The following ANKRD17 variants were observed in gnomAD, a reference collection of about 807,000 sequenced individuals.
The protein encoded by ANKRD17 is ankyrin repeat domain 17.
A neutral mutation model predicts 229.7 loss-of-function variants in ANKRD17; 19 were observed. That is an observed-to-expected ratio of 0.08 (90% CI 0.06 to 0.12). The LOEUF is 0.12. Among genes scored for constraint, ANKRD17 ranks in the 10% least tolerant of loss-of-function variants. ANKRD17 has a pLI of 1.00. For synonymous variants in ANKRD17, 1,112 were observed against 1,146.1 expected (o/e 0.97, Z 0.60); for missense variants, 2,176 against 3,176.8 (o/e 0.68, Z 7.57).
chr4:73,102,432 T>A lies in ANKRD17; in HGVS notation c.4517A>T (p.Asn1506Ile). Reference sequence around the variant, plus strand: ...AGCTTGGAGTTCAAAGTTCTCTTTATTTTTGGCTTCAATTTCTTCTAGTTT... The same window carrying A: ...AGCTTGGAGTTCAAAGTTCTCTTTAATTTTGGCTTCAATTTCTTCTAGTTT... ...RRKLEEIEAKNKENFELQAAQ... is the reference protein window; with the variant it reads ...RRKLEEIEAKIKENFELQAAQ... The change falls in exon 25 of 34, where the codon AAT (asparagine) becomes ATT (isoleucine). Residue 1506 changes from asparagine (N) to isoleucine (I), a missense_variant. Physicochemically the swap from Asn to Ile is moderately radical, Grantham distance 149. Transcript: ENST00000358602. 1 of 1,606,328 alleles carries A rather than the reference T, an allele frequency of 6.2e-7. No homozygotes were observed. The highest frequency in any genetic ancestry group is 8.5e-7 in the Non-Finnish European group (1 of 1,178,430).
At chr4:73,167,961 G>A (rs1351168142) in intron 2 of ANKRD17, among the ~76,000 whole-genome samples, 1 of 152,010 alleles carries the variant, frequency 6.6e-6, no homozygotes, top group African/African-American at 2.4e-5. Flanking sequence ...CACCATCCTG[G>A]CTAACGCAGC....
chr4:73,142,416 A>T, intron 12 of ANKRD17, 31 bp from the exon 13 acceptor site: 7 of 1,583,236 alleles, frequency 4.4e-6, no homozygotes, highest in Non-Finnish European at 6.0e-6. Context: ...GGGGAAAAAA[A>T]GTGAAGAAAA....
chr4:73,234,037 A>C (rs11736349), intron 1 of ANKRD17, among the ~76,000 whole-genome samples: 53,473 of 151,850 alleles, frequency 0.35, 10,909 homozygotes, highest in Admixed American at 0.49. Flanking sequence ...TATTTCTTTC[A>C]TTATTCTATC....
At chr4:73,149,955 C>T (rs901710034) in intron 7 of ANKRD17, among the ~76,000 whole-genome samples, 4 of 151,960 alleles carry the variant, frequency 2.6e-5, no homozygotes, top group African/African-American at 9.7e-5. Flanking sequence ...ACTTCAAGGC[C>T]CTCTTTTCCC....
chr4:73,247,717 T>C (rs1461700893), intron 1 of ANKRD17, among the ~76,000 whole-genome samples: 1 of 151,988 alleles, frequency 6.6e-6, no homozygotes, highest in Non-Finnish European at 1.5e-5. Context: ...TTTAAATATA[T>C]AAAAATCATA....
rs1191421923 is a variant in ANKRD17, at chr4:73,258,627, T to TGCAGCCGTC, written c.33_41dup (p.Thr12_Ala14dup). 1 of 1,487,740 alleles carries TGCAGCCGTC rather than the reference T, an allele frequency of 6.7e-7. No individual in the cohort carries two copies. The highest frequency in any genetic ancestry group is 2.8e-5 in the East Asian group (1 of 36,020). The allele number at this position is 1,487,740 out of a possible 1,614,324, so 92.2% of individuals were successfully genotyped here. On this transcript the variant is annotated inframe_insertion, in exon 1 of 34. Transcript: ENST00000358602. ...CCGCCGGGGGGCTCCCTTCTCCTTC[T>TGCAGCCGTC]GCAGCCGTCGCCGCCGCCACCGGAA...
intron 29 of ANKRD17, among the ~76,000 whole-genome samples, chr4:73,087,465 C>G (rs899024529): frequency 6.6e-6 from 1 of 152,136 alleles, no homozygotes; most frequent in Admixed American, 6.5e-5. Context: ...TGATCTGAAT[C>G]TAATCATGGA....
intron 1 of ANKRD17, among the ~76,000 whole-genome samples, chr4:73,232,291 T>C (rs906470741): frequency 1.1e-4 from 17 of 152,186 alleles, no homozygotes; most frequent in African/African-American, 1.7e-4. Context: ...GTAGCTCTCC[T>C]TGATCACATG....
chr4:73,174,472 A>G (rs1734471200), intron 2 of ANKRD17, among the ~76,000 whole-genome samples: 1 of 152,174 alleles, frequency 6.6e-6, no homozygotes, highest in Admixed American at 6.5e-5. Flanking sequence ...CCAACAGCCA[A>G]CATTACACTA....
At chr4:73,143,804 A>T (rs140712519) in intron 11 of ANKRD17, among the ~76,000 whole-genome samples, 4 of 152,242 alleles carry the variant, frequency 2.6e-5, no homozygotes, top group African/African-American at 9.6e-5. Flanking sequence ...GCAGTGGCAC[A>T]ATCATAGCTC....
At chr4:73,184,627 T>C (rs184744101) in intron 1 of ANKRD17, among the ~76,000 whole-genome samples, 1 of 151,592 alleles carries the variant, frequency 6.6e-6, no homozygotes, top group African/African-American at 2.4e-5. Context: ...AACTACAAAT[T>C]ACATACTAAG....
intron 16 of ANKRD17, among the ~76,000 whole-genome samples, chr4:73,130,416 A>G (rs1728045029): frequency 6.6e-6 from 1 of 152,130 alleles, no homozygotes; most frequent in African/African-American, 2.4e-5. Context: ...TGTTCTTTAT[A>G]TTGCAAAACC....
chr4:73,240,952 G>A (rs1021740586), intron 1 of ANKRD17, among the ~76,000 whole-genome samples: 6 of 151,678 alleles, frequency 4.0e-5, no homozygotes, highest in African/African-American at 1.5e-4. Context: ...GGGACTACAG[G>A]AGCATGCCAC....
Position 73,121,639 on chromosome 4 carries a change from C to A in ANKRD17, c.3613G>T (p.Ala1205Ser), listed in dbSNP as rs1726735321. 2 of 1,613,652 alleles carry A rather than the reference C, an allele frequency of 1.2e-6. No individual in the cohort carries two copies. The change falls in exon 19 of 34, where the codon GCA becomes TCA. Residue 1205 changes from alanine to serine, a missense_variant. Ala to Ser is a moderately conservative substitution (Grantham distance 99). Around this residue, in one of 18 missense-constraint regions of ANKRD17, gnomAD observed 178 missense variants for 421.7 expected, o/e 0.42. Transcript: ENST00000358602. ...TGCCTAGAGTTAATCTCAGCTCCTG[C>A]ATTTAGTAATATTTTGATGATGTTC... is the stretch of plus-strand genomic sequence containing the variant. The part of the protein sequence containing the change: ...YVNIIKILLN[A>S]GAEINSRTGS...
intron 16 of ANKRD17, among the ~76,000 whole-genome samples, chr4:73,130,406 T>A (rs998420838): frequency 6.6e-6 from 1 of 152,172 alleles, no homozygotes; most frequent in African/African-American, 2.4e-5. Context: ...GTGATTAAAC[T>A]GTTCTTTATA....
intron 29 of ANKRD17, among the ~76,000 whole-genome samples, chr4:73,090,300 C>T (rs1722665083): frequency 6.6e-6 from 1 of 152,096 alleles, no homozygotes; most frequent in Non-Finnish European, 1.5e-5. Flanking sequence ...ATCCCAGCTA[C>T]TCGGGAGGCT....
Position 73,204,591 on chromosome 4 carries a change from A to T in ANKRD17, c.394-27058T>A, listed in dbSNP as rs1284131139. ...TAATAAAACTGGATCCACCCAAAGT[A>T]ATAAAGAGCACTAGAAATGGCATAA... On this transcript the variant is annotated intron_variant, in intron 1 of 33. Coordinates refer to ENST00000358602, the MANE Select transcript of ANKRD17 (RefSeq NM_032217.5). Among the ~76,000 whole-genome samples the T allele has an allele frequency of 3.3e-5, 5 of 152,096 alleles. No individual in the cohort carries two copies. In the East Asian group the frequency reaches 9.6e-4, roughly 29 times the overall value.
At position 73,258,701 on chromosome 4, in the gene ANKRD17, AG is replaced by A; in HGVS notation, c.-34del. On this transcript the variant is annotated 5_prime_UTR_variant, in exon 1 of 34. Transcript: ENST00000358602. ...GAAAGAGGGAGGGCGCGGACGGGGGAGGGGCGTGGGGCTACGCTCTACCGCG... is the reference window on the plus strand; with the variant it reads ...GAAAGAGGGAGGGCGCGGACGGGGGAGGGCGTGGGGCTACGCTCTACCGCG... 1 of 1,427,304 alleles carries A rather than the reference AG, an allele frequency of 7.0e-7. No homozygotes were observed. Among genetic ancestry groups the A allele is most frequent in the Non-Finnish European group, 9.1e-7 (1 of 1,102,798 alleles). The allele number at this position is 1,427,304 out of a possible 1,614,324, so 88.4% of individuals were successfully genotyped here. A position where few individuals can be genotyped will look rare whatever the true frequency, so the allele number is the denominator to read the frequency against.
At chr4:73,086,358 G>C (rs956819026) in intron 29 of ANKRD17, among the ~76,000 whole-genome samples, 6 of 152,060 alleles carry the variant, frequency 3.9e-5, no homozygotes, top group Non-Finnish European at 8.8e-5. Context: ...TTTACCTTTA[G>C]GGATTTTTAG....
Sources: gnomAD v4.1 joint callset for allele counts (sites outside exome capture counted in the v4.1 genomes callset) on GRCh38, gnomAD v4.1.1 for gene constraint, gnomAD v4.1.1 regional missense constraint, MANE v1.5 for transcripts, NCBI Gene and HGNC (gene_info 2026-07-23, HGNC 2026-07-21) for gene names.